TTC21B: variants seen among roughly 807,000 people sequenced by gnomAD.
TTC21B encodes tetratricopeptide repeat protein 21B.
A neutral mutation model predicts 175.1 loss-of-function variants in TTC21B; 127 were observed. The ratio of observed to expected loss-of-function variants is 0.73; its 90% CI spans 0.63 to 0.84. TTC21B has a LOEUF of 0.84. TTC21B is among the 40% of genes least tolerant of loss of function. The probability of loss-of-function intolerance (pLI) is 0.00; values close to 1 mark genes in which losing one functional copy is unlikely to be tolerated. For missense variants in TTC21B, 1,561 were observed against 1,558.3 expected (o/e 1.00, Z -0.03); for synonymous variants, 524 against 524.5 (o/e 1.00, Z 0.01).
chr2:165,902,969 G>C (rs1685617271), intron 19 of TTC21B, among the ~76,000 whole-genome samples: 1 of 152,200 alleles, frequency 6.6e-6, no homozygotes, highest in Non-Finnish European at 1.5e-5. Context: ...CCATCCCAAG[G>C]ACACAAGTTT....
chr2:165,898,053 T>G (rs1306330961), intron 22 of TTC21B, among the ~76,000 whole-genome samples: 1 of 152,136 alleles, frequency 6.6e-6, no homozygotes, highest in African/African-American at 2.4e-5. Context: ...AGAAAATTTG[T>G]TGTCGAGAAG....
chr2:165,889,357 C>A (rs1225984469), intron 24 of TTC21B, among the ~76,000 whole-genome samples: 2 of 152,078 alleles, frequency 1.3e-5, no homozygotes, highest in South Asian at 2.1e-4. Flanking sequence ...TCCTCCAGAC[C>A]CCTTAAATGT....
intron 4 of TTC21B, among the ~76,000 whole-genome samples, chr2:165,944,540 TCA>T (rs1428811842): frequency 2.6e-5 from 4 of 152,178 alleles, no homozygotes; most frequent in Non-Finnish European, 5.9e-5. Flanking sequence ...TCACTGCATT[TCA>T]GTTTATTCTC....
chr2:165,941,210 T>G (rs1371104920), intron 5 of TTC21B, 26 bp from the exon 6 acceptor site: 1 of 1,613,250 alleles, frequency 6.2e-7, no homozygotes, highest in Middle Eastern at 1.7e-4. Flanking sequence ...AAAAGTGATA[T>G]CCAAACTGTG....
Position 165,940,931 on chromosome 2 carries a change from AT to A in TTC21B, c.710+95del, listed in dbSNP as rs1162020532. On this transcript the variant is annotated intron_variant, in intron 6 of 28. Coordinates refer to ENST00000243344, the MANE Select transcript of TTC21B (RefSeq NM_024753.5). ...TTCCACACTGTTTGAAAAAAATCAA[AT>A]TTAAAAACCCTTATGAAAAAAATTC... is the stretch of plus-strand genomic sequence containing the variant. The A allele has an allele frequency of 1.8e-5, 25 of 1,409,294 alleles. No homozygotes were observed. In the Admixed American group the frequency reaches 2.7e-4, roughly 15 times the overall value. The allele number at this position is 1,409,294 out of a possible 1,614,324, so 87.3% of individuals were successfully genotyped here.
At chr2:165,928,027 T>A (rs950081672) in intron 11 of TTC21B, among the ~76,000 whole-genome samples, 3 of 152,210 alleles carry the variant, frequency 2.0e-5, no homozygotes, top group Admixed American at 6.5e-5. Flanking sequence ...ATAAGAGTGC[T>A]GACTAATAAA....
At chr2:165,902,375 T>C (rs960618144) in intron 19 of TTC21B, among the ~76,000 whole-genome samples, 2 of 152,258 alleles carry the variant, frequency 1.3e-5, no homozygotes, top group African/African-American at 4.8e-5. Context: ...ATGTTTTAGC[T>C]ACACATAATG....
chr2:165,953,559 G>A (rs1490718906), intron 1 of TTC21B, 126 bp downstream of exon 1: 34 of 1,468,626 alleles, frequency 2.3e-5, no homozygotes, highest in Non-Finnish European at 2.9e-5. Context: ...CCGAGCAGCC[G>A]GGGCACCGCA....
At chr2:165,946,073 C>T (rs917955952) in intron 3 of TTC21B, among the ~76,000 whole-genome samples, 4 of 151,590 alleles carry the variant, frequency 2.6e-5, no homozygotes, top group Non-Finnish European at 4.4e-5. Context: ...CGCCTGCAAT[C>T]GCAGCACTTT....
At chr2:165,896,753 C>G (rs1685379532) in intron 22 of TTC21B, among the ~76,000 whole-genome samples, 2 of 152,202 alleles carry the variant, frequency 1.3e-5, no homozygotes, top group African/African-American at 4.8e-5. Context: ...TTTTGCCTAC[C>G]TAGTTTCTGT....
intron 13 of TTC21B, among the ~76,000 whole-genome samples, chr2:165,918,343 G>A (rs1380566035): frequency 6.6e-6 from 1 of 152,104 alleles, no homozygotes; most frequent in Non-Finnish European, 1.5e-5. Flanking sequence ...TGCCCAGGCT[G>A]GAGTGCAGTG....
Position 165,874,490 on chromosome 2 carries a change from G to T in TTC21B, c.*265C>A. The T allele has an allele frequency of 9.8e-6, 3 of 307,642 alleles. No individual in the cohort carries two copies. The highest frequency in any genetic ancestry group is 6.0e-5 in the East Asian group (1 of 16,534). The allele number at this position is 307,642 out of a possible 1,614,324, so 19.1% of individuals were successfully genotyped here. A position where few individuals can be genotyped will look rare whatever the true frequency, so the allele number is the denominator to read the frequency against. Reference sequence around the variant, plus strand: ...AGATTTTAACAAAATATTCTTTATAGAAATAATTATAGTCTTTACCACAGA... The same window carrying T: ...AGATTTTAACAAAATATTCTTTATATAAATAATTATAGTCTTTACCACAGA... On this transcript the variant is annotated 3_prime_UTR_variant, in exon 29 of 29. Coordinates refer to ENST00000243344, the MANE Select transcript of TTC21B (RefSeq NM_024753.5).
chr2:165,879,564 T>G (rs149531063), intron 27 of TTC21B: 118 of 152,302 alleles, frequency 7.7e-4, no homozygotes, highest in African/African-American at 2.7e-3. Flanking sequence ...ACTGATGCCA[T>G]CTTAGGCTGA....
chr2:165,934,574 T>C (rs1687053662), intron 6 of TTC21B, among the ~76,000 whole-genome samples: 2 of 135,512 alleles, frequency 1.5e-5, no homozygotes, highest in South Asian at 5.1e-4. Flanking sequence ...TCAGAGTCCA[T>C]TGAAAACTGA....
chr2:165,918,250 T>C (rs1243229301), intron 13 of TTC21B, among the ~76,000 whole-genome samples: 1 of 152,216 alleles, frequency 6.6e-6, no homozygotes, highest in Non-Finnish European at 1.5e-5. Context: ...GGCTCTGACA[T>C]ACCACTAGTC....
In TTC21B at chr2:165,888,517, G is replaced by A. The variant is rs1230232233; in HGVS notation, c.3264-43C>T. On this transcript the variant is annotated intron_variant, in intron 24 of 28. Transcript: ENST00000243344. Reference sequence around the variant, plus strand: ...TAAATCACTTCTGTCTCTTACTCATGATACAATTCATTGAGATTAGAATCA... The same window carrying A: ...TAAATCACTTCTGTCTCTTACTCATAATACAATTCATTGAGATTAGAATCA... The A allele has an allele frequency of 4.8e-6, 7 of 1,457,928 alleles. No homozygotes were observed. In the African/African-American group the frequency reaches 8.4e-5, roughly 18 times the overall value. The allele number at this position is 1,457,928 out of a possible 1,614,324, so 90.3% of individuals were successfully genotyped here.
chr2:165,941,702 G>A (rs1332528926), intron 5 of TTC21B, among the ~76,000 whole-genome samples: 1 of 151,924 alleles, frequency 6.6e-6, no homozygotes, highest in South Asian at 2.1e-4. Flanking sequence ...AGACCACAAG[G>A]AAGTATATAG....
At chr2:165,918,547 G>A (rs540897236) in intron 13 of TTC21B, among the ~76,000 whole-genome samples, 2 of 151,934 alleles carry the variant, frequency 1.3e-5, no homozygotes, top group Non-Finnish European at 2.9e-5. Context: ...TGCCCACCTC[G>A]GCCTCCCAAA....
intron 4 of TTC21B, 129 bp from the exon 5 acceptor site, chr2:165,943,470 A>G (rs1352959345): frequency 7.8e-6 from 6 of 765,382 alleles, no homozygotes; most frequent in Non-Finnish European, 1.3e-5. Context: ...TATGAACAAT[A>G]AAATTCTGTT....
Sources: gnomAD v4.1 joint callset for allele counts (sites outside exome capture counted in the v4.1 genomes callset) on GRCh38, gnomAD v4.1.1 for gene constraint, MANE v1.5 for transcripts, NCBI Gene and HGNC (gene_info 2026-07-23, HGNC 2026-07-21) for gene names.